TMBIM1: variants seen among roughly 807,000 people sequenced by gnomAD.
The protein encoded by TMBIM1 is transmembrane BAX inhibitor motif containing 1.
Under a neutral mutation model 45.1 loss-of-function variants are expected in TMBIM1, and 34 were observed. The observed-to-expected ratio is 0.75, with a 90% CI of 0.57 to 1.00. TMBIM1 has a LOEUF of 1.00. TMBIM1 is among the 50% of genes least tolerant of loss of function. The pLI is 0.00. For synonymous variants in TMBIM1, 157 were observed against 153.5 expected (o/e 1.02, Z -0.17); for missense variants, 374 against 402.4 (o/e 0.93, Z 0.60).
rs149874920 is a variant in TMBIM1, at chr2:218,282,033, G to T, written c.109C>A (p.Pro37Thr). The T allele has an allele frequency of 1.2e-6, 2 of 1,607,740 alleles. No individual in the cohort carries two copies. The highest frequency in any genetic ancestry group is 1.7e-6 in the Non-Finnish European group (2 of 1,178,058). ...GQPSVLPGGY[P>T]AYPGYPQPGY... The stretch of plus-strand genomic sequence containing the variant: ...GGCTGCGGGTAGCCAGGGTAGGCAG[G>T]ATACCCTCCTGGCAGGACAGATGGC... Residue 37 changes from proline (P) to threonine (T), a missense_variant, in exon 2 of 12, where the codon CCT becomes ACT. Transcript: ENST00000258412.
rs1373479548 is a variant in TMBIM1, at chr2:218,275,925, C to T, written c.789+101G>A. ...AGTGAGAGGAATGGCCTGCTATGGC[C>T]CCATTCCCTGCCTCCCAGGCAGTCT... On this transcript the variant is annotated intron_variant, in intron 11 of 11. Coordinates refer to ENST00000258412, the MANE Select transcript of TMBIM1 (RefSeq NM_022152.6). The T allele has an allele frequency of 3.7e-6, 5 of 1,364,482 alleles. No individual in the cohort carries two copies. In the African/African-American group the frequency reaches 5.8e-5, roughly 16 times the overall value. The allele number at this position is 1,364,482 out of a possible 1,614,324, so 84.5% of individuals were successfully genotyped here.
intron 2 of TMBIM1, chr2:218,280,722 GAATGCCTC>G (rs1222652834): frequency 6.6e-6 from 1 of 152,078 alleles, no homozygotes; most frequent in Non-Finnish European, 1.5e-5. Flanking sequence ...CTGAATGCCT[GAATGCCTC>G]TTTGGGAACT....
intron 6 of TMBIM1, 92 bp from the exon 7 acceptor site, chr2:218,278,066 C>A: frequency 6.9e-7 from 1 of 1,451,730 alleles, no homozygotes; most frequent in South Asian, 1.2e-5. Flanking sequence ...GCTCCTGTGC[C>A]TGGAGGATTA....
rs768973984 is a variant in TMBIM1, at chr2:218,277,040, A to G, written c.699T>C (p.Thr233=). 1.4e-5 allele frequency: 22 copies of G among 1,614,150 alleles called. No individual in the cohort carries two copies. Among genetic ancestry groups the G allele is most frequent in the Middle Eastern group, 3.3e-4 (2 of 6,062 alleles). Residue 233 remains threonine (T), a synonymous_variant, in exon 10 of 12, where the codon ACT becomes ACC. Coordinates refer to ENST00000258412, the MANE Select transcript of TMBIM1 (RefSeq NM_022152.6). ...AGAGCACAATGCTAGTGACAATCCC[A>G]GTCACCAGGAGCACAATTCCCAGGA... is the stretch of plus-strand genomic sequence containing the variant. ...FCVLGIVLLV[T]GIVTSIVLYF...
chr2:218,283,246 C>A (rs1228279519), intron 1 of TMBIM1, among the ~76,000 whole-genome samples: 1 of 152,216 alleles, frequency 6.6e-6, no homozygotes, highest in Non-Finnish European at 1.5e-5. Context: ...ATGCTCACTT[C>A]AGATGAGAGA....
In TMBIM1 at chr2:218,289,042, T is replaced by G. The variant is rs549684484; in HGVS notation, c.-41+3424A>C. Among the ~76,000 whole-genome samples the G allele has an allele frequency of 1.8e-4, 27 of 152,356 alleles. No homozygotes were observed. In the South Asian group the frequency reaches 4.1e-3, roughly 23 times the overall value. ...CATAGATCTCACACCTGATTTAAAA[T>G]TCAGCCTCTTTGCTTTTATATCAGG... On this transcript the variant is annotated intron_variant, in intron 1 of 11. Transcript: ENST00000258412.
At chr2:218,291,990 C>T (rs1692959622) in intron 1 of TMBIM1, among the ~76,000 whole-genome samples, 1 of 151,966 alleles carries the variant, frequency 6.6e-6, no homozygotes, top group African/African-American at 2.4e-5. Flanking sequence ...CGAGACTGGC[C>T]TCAGCGCGTG....
chr2:218,277,716 A>C (rs1012501774), intron 7 of TMBIM1, 46 bp from the exon 8 acceptor site: 5 of 1,612,600 alleles, frequency 3.1e-6, no homozygotes, highest in Non-Finnish European at 2.5e-6. Flanking sequence ...AAAAGGAAGG[A>C]AGGCAGGGTG....
chr2:218,279,386 C>T lies in TMBIM1; in HGVS notation c.304-33G>A, dbSNP rs762326793. The T allele has an allele frequency of 2.0e-6, 3 of 1,527,338 alleles. No homozygotes were observed. In the South Asian group the frequency reaches 3.9e-5, roughly 20 times the overall value. The allele number at this position is 1,527,338 out of a possible 1,614,324, so 94.6% of individuals were successfully genotyped here. A position where few individuals can be genotyped will look rare whatever the true frequency, so the allele number is the denominator to read the frequency against. ...CAGACGGCCGGGCATGGGTCACCAT[C>T]CGGCACCCCTGGCCTGCCCCAGGAA... On this transcript the variant is annotated intron_variant, in intron 3 of 11. Coordinates refer to ENST00000258412, the MANE Select transcript of TMBIM1 (RefSeq NM_022152.6).
At position 218,281,800 on chromosome 2, in the gene TMBIM1, CAG is replaced by C. The variant is rs537814073; in HGVS notation, c.202+138_202+139del. On this transcript the variant is annotated intron_variant, in intron 2 of 11. Coordinates refer to ENST00000258412, the MANE Select transcript of TMBIM1 (RefSeq NM_022152.6). ...AAGTGGAGGGTAACAAAGACAGAAA[CAG>C]AGGGAGAGATCTCAACAGAGAAGAT... 8.7e-4 allele frequency: 677 copies of C among 777,406 alleles called. 1 individual carries two copies. Among genetic ancestry groups the C allele is most frequent in the Non-Finnish European group, 1.3e-3 (607 of 474,992 alleles). The allele number at this position is 777,406 out of a possible 1,614,324, so 48.2% of individuals were successfully genotyped here. A position where few individuals can be genotyped will look rare whatever the true frequency, so the allele number is the denominator to read the frequency against.
chr2:218,285,509 G>A lies in TMBIM1; in HGVS notation c.-40-3328C>T, dbSNP rs561749515. ...CCACAGGGCTCACAGCCTGGCCAACGGCCCCAGGAGAAGAGGGTGGCCCAG... is the reference window on the plus strand; with the variant it reads ...CCACAGGGCTCACAGCCTGGCCAACAGCCCCAGGAGAAGAGGGTGGCCCAG... On this transcript the variant is annotated intron_variant, in intron 1 of 11. Coordinates refer to ENST00000258412, the MANE Select transcript of TMBIM1 (RefSeq NM_022152.6). Among the ~76,000 whole-genome samples, 384 of 152,108 alleles carry A rather than the reference G, an allele frequency of 2.5e-3. 3 individuals are homozygous for A. Among genetic ancestry groups the A allele is most frequent in the Non-Finnish European group, 3.4e-3 (231 of 68,004 alleles).
rs1369035695 is a variant in TMBIM1, at chr2:218,279,074, A to G, written c.386T>C (p.Phe129Ser). 6.2e-7 allele frequency: 1 copy of G among 1,614,076 alleles called. No homozygotes were observed. The highest frequency in any genetic ancestry group is 8.5e-7 in the Non-Finnish European group (1 of 1,179,994). The change falls in exon 5 of 12, where the codon TTT (phenylalanine) becomes TCT (serine). Residue 129 changes from phenylalanine to serine, a missense_variant. Transcript: ENST00000258412. Reference sequence around the variant, plus strand: ...GTAGACAGCCACATTTCTCCTCACAAAGGCGCTGACAGGTTCCCTGTGGGG... The same window carrying G: ...GTAGACAGCCACATTTCTCCTCACAGAGGCGCTGACAGGTTCCCTGTGGGG... ...IFTFVEPVSA[F>S]VRRNVAVYYV...
chr2:218,281,864 G>A, intron 2 of TMBIM1, 76 bp downstream of exon 2: 1 of 1,115,904 alleles, frequency 9.0e-7, no homozygotes, highest in Admixed American at 2.2e-5. Context: ...AGAGAAAAGG[G>A]GCAGGAGGCG....
At chr2:218,284,530 C>T (rs763043501) in intron 1 of TMBIM1, among the ~76,000 whole-genome samples, 2 of 152,238 alleles carry the variant, frequency 1.3e-5, no homozygotes, top group Non-Finnish European at 2.9e-5. Context: ...TGCAGCTCAG[C>T]GGGTGCTGAC....
chr2:218,287,890 C>T (rs1269091337), intron 1 of TMBIM1, among the ~76,000 whole-genome samples: 2 of 152,156 alleles, frequency 1.3e-5, no homozygotes, highest in Admixed American at 6.5e-5. Flanking sequence ...CGCAGCTCCG[C>T]CACCCTTGTC....
At chr2:218,280,489 G>A in intron 2 of TMBIM1, 1 of 289,544 alleles carries the variant, frequency 3.5e-6, no homozygotes, top group Non-Finnish European at 6.8e-6. Flanking sequence ...GGGACAGAGG[G>A]TAGGAGAAAA....
Position 218,277,680 on chromosome 2 carries a change from GGA to G in TMBIM1, c.514-12_514-11del. 1 of 1,614,168 alleles carries G rather than the reference GGA, an allele frequency of 6.2e-7. No homozygotes were observed. Among genetic ancestry groups the G allele is most frequent in the Non-Finnish European group, 8.5e-7 (1 of 1,180,014 alleles). ...AGCCCATGGCAAAAGTCTAAGGGAA[GGA>G]GAGAGACAAGAATGAAACACTTAAA... On this transcript the variant is annotated splice_polypyrimidine_tract_variant and intron_variant, in intron 7 of 11. Coordinates refer to ENST00000258412, the MANE Select transcript of TMBIM1 (RefSeq NM_022152.6).
Position 218,279,040 on chromosome 2 carries a change from G to C in TMBIM1, c.420C>G (p.Ser140=). 1 of 1,614,092 alleles carries C rather than the reference G, an allele frequency of 6.2e-7. No individual in the cohort carries two copies. The highest frequency in any genetic ancestry group is 8.5e-7 in the Non-Finnish European group (1 of 1,179,994). The change falls in exon 5 of 12, where the codon TCC becomes TCG. Residue 140 remains serine (S), a splice_region_variant and synonymous_variant. Transcript: ENST00000258412. The part of the protein sequence containing the change: ...VRRNVAVYYV[S]YAVFVVTYLI... Reference sequence around the variant, plus strand: ...ACCACAGAGGAGCACACACTCACTAGGACACGTAGTAGACAGCCACATTTC... The same window carrying C: ...ACCACAGAGGAGCACACACTCACTACGACACGTAGTAGACAGCCACATTTC...
chr2:218,291,532 C>G (rs992978420), intron 1 of TMBIM1, among the ~76,000 whole-genome samples: 1 of 152,144 alleles, frequency 6.6e-6, no homozygotes, highest in African/African-American at 2.4e-5. Flanking sequence ...GCCTACTTAT[C>G]CCATGTCCAG....
Sources: gnomAD v4.1 joint callset for allele counts (sites outside exome capture counted in the v4.1 genomes callset) on GRCh38, gnomAD v4.1.1 for gene constraint, MANE v1.5 for transcripts, NCBI Gene and HGNC (gene_info 2026-07-23, HGNC 2026-07-21) for gene names.